SEC14L5: variants seen among roughly 807,000 people sequenced by gnomAD.
SEC14L5 encodes SEC14 like lipid binding 5.
Under a neutral mutation model 84.6 loss-of-function variants are expected in SEC14L5, and 96 were observed. That is an observed-to-expected ratio of 1.13 (90% CI 0.96 to 1.34). SEC14L5 has a LOEUF of 1.34. Among genes scored for constraint, SEC14L5 ranks in the 40% most tolerant of loss-of-function variants. SEC14L5 has a pLI of 0.00. For synonymous variants in SEC14L5, 546 were observed against 383.4 expected (o/e 1.42, Z -4.95); for missense variants, 1,224 against 942.5 (o/e 1.30, Z -3.91).
In SEC14L5 at chr16:5,018,659, C is replaced by G. The variant is rs1308764518; in HGVS notation, c.*3689C>G. 1 of 151,990 alleles carries G rather than the reference C, an allele frequency of 6.6e-6. No homozygotes were observed. Among genetic ancestry groups the G allele is most frequent in the Non-Finnish European group, 1.5e-5 (1 of 68,014 alleles). 9.4% of individuals were successfully genotyped at this position (151,990 alleles called of 1,614,324 possible). A position where few individuals can be genotyped will look rare whatever the true frequency, so the allele number is the denominator to read the frequency against. ...TGGGTGACAAAGCAAGACCCTGTCTCAAAAAAAGAAGAAAGAAGCTGCTTG... is the reference window on the plus strand; with the variant it reads ...TGGGTGACAAAGCAAGACCCTGTCTGAAAAAAAGAAGAAAGAAGCTGCTTG... On this transcript the variant is annotated 3_prime_UTR_variant, in exon 16 of 16. Transcript: ENST00000251170.
Position 4,996,904 on chromosome 16 carries a change from A to T in SEC14L5, c.830A>T (p.His277Leu). Residue 277 changes from histidine to leucine, a missense_variant, in exon 8 of 16, where the codon CAC becomes CTC. Transcript: ENST00000251170. ...CGGTTCCTGCGGGCTCATGACTTCC[A>T]CCTGGACAAGGCCCGGGAAATGCTG... ...ILRFLRAHDF[H>L]LDKAREMLRQ... is the part of the protein sequence containing the mutation. The T allele has an allele frequency of 6.2e-7, 1 of 1,613,388 alleles. No homozygotes were observed. Among genetic ancestry groups the T allele is most frequent in the Non-Finnish European group, 8.5e-7 (1 of 1,179,708 alleles).
At chr16:5,010,834 T>C (rs957436108) in intron 14 of SEC14L5, 2 of 490,834 alleles carry the variant, frequency 4.1e-6, no homozygotes, top group Non-Finnish European at 7.3e-6. Flanking sequence ...ACCTCTGTTG[T>C]CCTGAAGTTG....
chr16:4,992,709 G>T (rs1955565025), intron 6 of SEC14L5, among the ~76,000 whole-genome samples: 1 of 152,154 alleles, frequency 6.6e-6, no homozygotes, highest in East Asian at 1.9e-4. Flanking sequence ...GCATGATCAT[G>T]GTAGAAAAAA....
Position 4,990,764 on chromosome 16 carries a change from C to G in SEC14L5, c.346-3C>G. The G allele has an allele frequency of 6.2e-7, 1 of 1,605,410 alleles. No individual in the cohort carries two copies. Among genetic ancestry groups the G allele is most frequent in the Non-Finnish European group, 8.5e-7 (1 of 1,175,678 alleles). On this transcript the variant is annotated splice_region_variant and splice_polypyrimidine_tract_variant and intron_variant, in intron 4 of 15. Transcript: ENST00000251170. ...CCTGGCATGACCCCTGCCTGGCTTT[C>G]AGGTCCACCCTGAGAATGAAGACTG...
rs1955536782 is a variant in SEC14L5 at position 4,990,099 on chromosome 16, T to G, written c.346-668T>G. On this transcript the variant is annotated intron_variant, in intron 4 of 15. Transcript: ENST00000251170. ...AAAAAATCTATATCTAAATTTTATG[T>G]GTAATATTGATATATAATTTATTTA... is the stretch of plus-strand genomic sequence containing the variant. 3.3e-5 allele frequency among the ~76,000 whole-genome samples: 5 copies of G among 151,566 alleles called. 1 individual carries two copies. In the South Asian group the frequency reaches 1.0e-3, roughly 31 times the overall value.
rs748514670 is a variant in SEC14L5 at position 4,988,246 on chromosome 16, A to T, written c.311A>T (p.Asn104Ile). ...LIEAHNETFA[N>I]RVVVNEHCSY... ...GAAGCGCACAATGAGACCTTCGCCAACCGCGTGGTGGTGAACGAGCACTGC... is the reference window on the plus strand; with the variant it reads ...GAAGCGCACAATGAGACCTTCGCCATCCGCGTGGTGGTGAACGAGCACTGC... Residue 104 changes from asparagine to isoleucine, a missense_variant, in exon 4 of 16, where the codon AAC becomes ATC. Asn to Ile is a moderately radical substitution (Grantham distance 149). Coordinates refer to ENST00000251170, the MANE Select transcript of SEC14L5 (RefSeq NM_014692.2). 4 of 1,613,784 alleles carry T rather than the reference A, an allele frequency of 2.5e-6. No homozygotes were observed. The South Asian group carries it at 3.3e-5, about 13-fold the overall frequency.
chr16:4,967,015 T>C (rs1472342885), intron 2 of SEC14L5, among the ~76,000 whole-genome samples: 1 of 152,196 alleles, frequency 6.6e-6, no homozygotes, highest in African/African-American at 2.4e-5. Flanking sequence ...TATAGCAGCC[T>C]GATCTGTAGC....
intron 15 of SEC14L5, among the ~76,000 whole-genome samples, chr16:5,012,128 C>T (rs762217890): frequency 1.1e-4 from 16 of 152,150 alleles, no homozygotes; most frequent in Non-Finnish European, 1.6e-4. Context: ...AACACTGGGG[C>T]AGAGTCTTTA....
chr16:4,988,289 A>T lies in SEC14L5; in HGVS notation c.345+9A>T, dbSNP rs750319275. 23 of 1,613,156 alleles carry T rather than the reference A, an allele frequency of 1.4e-5. No individual in the cohort carries two copies. The highest frequency in any genetic ancestry group is 1.9e-5 in the Non-Finnish European group (22 of 1,179,608). ...AGCACTGCAGCTACACGGTGAGCCCAGGCCACCCTCAGCGCCCACGCCCGG... is the reference window on the plus strand; with the variant it reads ...AGCACTGCAGCTACACGGTGAGCCCTGGCCACCCTCAGCGCCCACGCCCGG... On this transcript the variant is annotated intron_variant, in intron 4 of 15. Coordinates refer to ENST00000251170, the MANE Select transcript of SEC14L5 (RefSeq NM_014692.2).
In SEC14L5 at chr16:4,992,050, C is replaced by T. The variant is rs1400667753; in HGVS notation, c.667+20C>T. 2 of 1,510,086 alleles carry T rather than the reference C, an allele frequency of 1.3e-6. No homozygotes were observed. The highest frequency in any genetic ancestry group is 1.8e-6 in the Non-Finnish European group (2 of 1,131,968). The allele number at this position is 1,510,086 out of a possible 1,614,324, so 93.5% of individuals were successfully genotyped here. A position where few individuals can be genotyped will look rare whatever the true frequency, so the allele number is the denominator to read the frequency against. On this transcript the variant is annotated intron_variant, in intron 6 of 15. Transcript: ENST00000251170. Reference sequence around the variant, plus strand: ...TGGACGGTAGGTGGTACAGCCCAGGCCAGTCAGCCCTAGGAGGCTGCTGCA... The same window carrying T: ...TGGACGGTAGGTGGTACAGCCCAGGTCAGTCAGCCCTAGGAGGCTGCTGCA...
intron 13 of SEC14L5, among the ~76,000 whole-genome samples, chr16:5,008,073 AT>A (rs546597544): frequency 1.6e-4 from 23 of 146,156 alleles, no homozygotes; most frequent in African/African-American, 2.8e-4. Context: ...ATGCCTGGCT[AT>A]TTTTTTTTTG....
intron 6 of SEC14L5, among the ~76,000 whole-genome samples, chr16:4,993,433 G>A (rs1955573924): frequency 6.6e-6 from 1 of 152,042 alleles, no homozygotes; most frequent in Non-Finnish European, 1.5e-5. Flanking sequence ...GTGGAGACAG[G>A]GTTTCACCAT....
In SEC14L5 at chr16:4,972,051, G is replaced by T. The variant is rs1167848528; in HGVS notation, c.63+12665G>T. Among the ~76,000 whole-genome samples, 6 of 151,560 alleles carry T rather than the reference G, an allele frequency of 4.0e-5. No homozygotes were observed. In the South Asian group the frequency reaches 8.3e-4, roughly 21 times the overall value. On this transcript the variant is annotated intron_variant, in intron 2 of 15. Transcript: ENST00000251170. ...TCTTTTTTTTTTTTTAATTGCCCGGGCTGGAGTGCAGTGGTGCAATTATAG... is the reference window on the plus strand; with the variant it reads ...TCTTTTTTTTTTTTTAATTGCCCGGTCTGGAGTGCAGTGGTGCAATTATAG...
rs1596617797 is a variant in SEC14L5, at chr16:4,973,734, A to G, written c.64-13823A>G. The stretch of plus-strand genomic sequence containing the variant: ...GCCTTGCTCTGCTGTTCAGGCTGGA[A>G]TGCAGTGAGGCAATCTCAGCTCACT... On this transcript the variant is annotated intron_variant, in intron 2 of 15. Coordinates refer to ENST00000251170, the MANE Select transcript of SEC14L5 (RefSeq NM_014692.2). Among the ~76,000 whole-genome samples the G allele has an allele frequency of 4.1e-5, 6 of 146,846 alleles. No individual in the cohort carries two copies. In the South Asian group the frequency reaches 1.3e-3, roughly 31 times the overall value.
rs1342792298 is a variant in SEC14L5 at position 5,007,346 on chromosome 16, C to T, written c.1438-6C>T. The T allele has an allele frequency of 1.2e-6, 2 of 1,613,446 alleles. No homozygotes were observed. Among genetic ancestry groups the T allele is most frequent in the Admixed American group, 1.7e-5 (1 of 59,970 alleles). On this transcript the variant is annotated splice_polypyrimidine_tract_variant and splice_region_variant and intron_variant, in intron 12 of 15. Transcript: ENST00000251170. ...TGACCTGCTGCCCTTTATCTCTGACCTGCAGTGTAATGTCCCCGAAGGAGG... is the reference window on the plus strand; with the variant it reads ...TGACCTGCTGCCCTTTATCTCTGACTTGCAGTGTAATGTCCCCGAAGGAGG...
chr16:4,973,408 G>T (rs369368152), intron 2 of SEC14L5, among the ~76,000 whole-genome samples: 1 of 56,158 alleles, frequency 1.8e-5, no homozygotes, highest in Admixed American at 1.7e-4. Context: ...CAGGGCTTCC[G>T]GAACAGTGTC....
intron 14 of SEC14L5, among the ~76,000 whole-genome samples, chr16:5,009,688 T>C (rs955381010): frequency 1.3e-5 from 2 of 152,112 alleles, no homozygotes; most frequent in African/African-American, 4.8e-5. Flanking sequence ...AGGTTCTGGC[T>C]GGACATGAAT....
intron 14 of SEC14L5, among the ~76,000 whole-genome samples, chr16:5,008,960 AC>A (rs2142531971): frequency 6.6e-6 from 1 of 152,336 alleles, no homozygotes; most frequent in East Asian, 1.9e-4. Context: ...ACAGGATCCA[AC>A]TGTATTTGTT....
In SEC14L5 at chr16:5,015,088, C is replaced by G. The variant is rs1364721369; in HGVS notation, c.*118C>G. 1 of 764,484 alleles carries G rather than the reference C, an allele frequency of 1.3e-6. No homozygotes were observed. Among genetic ancestry groups the G allele is most frequent in the East Asian group, 2.6e-5 (1 of 37,962 alleles). 47.4% of individuals were successfully genotyped at this position (764,484 alleles called of 1,614,324 possible). A position where few individuals can be genotyped will look rare whatever the true frequency, so the allele number is the denominator to read the frequency against. On this transcript the variant is annotated 3_prime_UTR_variant, in exon 16 of 16. Transcript: ENST00000251170. ...TGGGCTGGAGCCCCAGGCCTAGATG[C>G]TGCCCAAGTTGGGGTGTCTGGAGCG...
Sources: allele counts gnomAD v4.1 joint callset (sites outside exome capture counted in the v4.1 genomes callset), GRCh38; gene constraint gnomAD v4.1.1; transcripts MANE v1.5; gene names NCBI Gene and HGNC (gene_info 2026-07-23, HGNC 2026-07-21).